ZSCAN25: variants seen among roughly 807,000 people sequenced by gnomAD.
ZSCAN25 encodes the protein zinc finger and SCAN domain-containing protein 25.
A neutral mutation model predicts 38.7 loss-of-function variants in ZSCAN25; 27 were observed. The observed-to-expected ratio is 0.70, with a 90% CI of 0.51 to 0.96. ZSCAN25 has a LOEUF of 0.96. Among genes scored for constraint, ZSCAN25 ranks in the 40% least tolerant of loss-of-function variants. ZSCAN25 has a pLI of 0.00. For missense variants in ZSCAN25, 637 were observed against 705.9 expected, an observed-to-expected ratio of 0.90 and a Z score of 1.11; for synonymous variants, 273 against 277.7, an observed-to-expected ratio of 0.98 and a Z score of 0.17.
chr7:99,634,218 G>C (rs1808176239), downstream of ZSCAN25, among the ~76,000 whole-genome samples: 2 of 152,196 alleles, frequency 1.3e-5, no homozygotes, highest in African/African-American at 4.8e-5. Flanking sequence ...GTCTGTCCTG[G>C]GGAAATATTT....
the ZSCAN25 span, among the ~76,000 whole-genome samples, chr7:99,712,112 A>G: frequency 6.6e-6 from 1 of 152,198 alleles, no homozygotes; most frequent in African/African-American, 2.4e-5. Flanking sequence ...GAAGCTCAGG[A>G]TGGCCCATCA....
chr7:99,636,966 A>G (rs1204684505), downstream of ZSCAN25, among the ~76,000 whole-genome samples: 1 of 152,236 alleles, frequency 6.6e-6, no homozygotes, highest in Non-Finnish European at 1.5e-5. Context: ...TCCTTCCTTA[A>G]AGGAGACAGT....
chr7:99,645,825 A>G, the ZSCAN25 span, among the ~76,000 whole-genome samples: 2 of 151,446 alleles, frequency 1.3e-5, no homozygotes, highest in Admixed American at 6.6e-5. Flanking sequence ...TAAGTTCTTT[A>G]TAGATGTTGG....
chr7:99,727,357 A>G, the ZSCAN25 span, among the ~76,000 whole-genome samples: 1 of 152,114 alleles, frequency 6.6e-6, no homozygotes, highest in African/African-American at 2.4e-5. Flanking sequence ...CTCACTCCAT[A>G]CAGTTCTCAT....
At chr7:99,735,120 C>T in the ZSCAN25 span, 1 of 1,613,654 alleles carries the variant, frequency 6.2e-7, no homozygotes, top group South Asian at 1.1e-5. Context: ...TATCTCTCTC[C>T]TCTGAGTCTT....
At chr7:99,717,616 C>G in the ZSCAN25 span, 1 of 1,613,584 alleles carries the variant, frequency 6.2e-7, no homozygotes, top group Non-Finnish European at 8.5e-7. Flanking sequence ...TGGCATTTTT[C>G]ATAAATCCCA....
the ZSCAN25 span, among the ~76,000 whole-genome samples, chr7:99,734,109 C>G: frequency 6.6e-6 from 1 of 152,150 alleles, no homozygotes; most frequent in Non-Finnish European, 1.5e-5. Flanking sequence ...GAATTTAAGC[C>G]ACACCAATTC....
chr7:99,719,623 C>A, the ZSCAN25 span, among the ~76,000 whole-genome samples: 6 of 152,180 alleles, frequency 3.9e-5, no homozygotes, highest in Non-Finnish European at 8.8e-5. Context: ...CATTGGCCTC[C>A]TCAAAATAAA....
the ZSCAN25 span, among the ~76,000 whole-genome samples, chr7:99,672,042 T>TTTGTTGTTGTTGTTGTTGTTG: frequency 1.3e-3 from 200 of 151,842 alleles, no homozygotes; most frequent in African/African-American, 4.5e-3. Context: ...TTTGCCGGTT[T>TTTGTTGTTGTTGTTGTTGTTG]TTGTTGTTGT....
chr7:99,621,279 C>G, intron 4 of ZSCAN25, 94 bp from the exon 5 acceptor site: 3 of 1,162,492 alleles, frequency 2.6e-6, no homozygotes, highest in Non-Finnish European at 3.4e-6. Flanking sequence ...TGGAATGGTT[C>G]TTTTCTTGGT....
the ZSCAN25 span, among the ~76,000 whole-genome samples, chr7:99,692,208 T>C: frequency 4.1e-4 from 62 of 152,356 alleles, no homozygotes; most frequent in Middle Eastern, 3.4e-3. Flanking sequence ...TCCCTAAGTA[T>C]GTTGAATATT....
At chr7:99,638,392 G>T in the ZSCAN25 span, 209 of 1,595,104 alleles carry the variant, frequency 1.3e-4, no homozygotes, top group East Asian at 4.7e-3. Flanking sequence ...GCATCGGGCA[G>T]GTCCTGCTTG....
At chr7:99,646,593 A>G in the ZSCAN25 span, among the ~76,000 whole-genome samples, 1 of 152,164 alleles carries the variant, frequency 6.6e-6, no homozygotes, top group African/African-American at 2.4e-5. Flanking sequence ...GTGTTTTCTT[A>G]CTTCCTGGCA....
chr7:99,635,774 G>A (rs574673891), downstream of ZSCAN25, among the ~76,000 whole-genome samples: 27 of 152,288 alleles, frequency 1.8e-4, no homozygotes, highest in Middle Eastern at 3.4e-3. Flanking sequence ...TGGGCTGGGC[G>A]CGGTGGCTCA....
downstream of ZSCAN25, among the ~76,000 whole-genome samples, chr7:99,633,597 GCT>G (rs1393165789): frequency 3.3e-5 from 5 of 152,054 alleles, no homozygotes; most frequent in African/African-American, 9.7e-5. Context: ...ACAGAGTCTT[GCT>G]CTGTCACCCA....
At chr7:99,692,482 A>G in the ZSCAN25 span, among the ~76,000 whole-genome samples, 1 of 152,128 alleles carries the variant, frequency 6.6e-6, no homozygotes, top group Non-Finnish European at 1.5e-5. Flanking sequence ...TAATATCCTG[A>G]AGAGTGTTTT....
the ZSCAN25 span, chr7:99,714,429 A>C: frequency 7.0e-7 from 1 of 1,431,942 alleles, no homozygotes; most frequent in Non-Finnish European, 9.4e-7. Context: ...ATCTTGCTCT[A>C]AACATAAGTA....
chr7:99,702,724 A>G, the ZSCAN25 span, among the ~76,000 whole-genome samples: 2 of 152,186 alleles, frequency 1.3e-5, no homozygotes, highest in Admixed American at 1.3e-4. Flanking sequence ...AGCTTTGGCT[A>G]TTCTGGGTAT....
the ZSCAN25 span, among the ~76,000 whole-genome samples, chr7:99,700,270 A>G: frequency 6.6e-6 from 1 of 152,248 alleles, no homozygotes; most frequent in African/African-American, 2.4e-5. Context: ...AATCATAAAC[A>G]ACTTAATCAG....
Sources: allele counts gnomAD v4.1 joint callset (sites outside exome capture counted in the v4.1 genomes callset), GRCh38; gene constraint gnomAD v4.1.1; transcripts MANE v1.5; gene names NCBI Gene and HGNC (gene_info 2026-07-23, HGNC 2026-07-21).